ANKIB1: variants seen among roughly 807,000 people sequenced by gnomAD.
The protein encoded by ANKIB1 is ankyrin repeat and IBR domain containing 1, also known as ankyrin repeat and IBR domain-containing protein 1.
ANKIB1 carries 43 observed loss-of-function variants against 122.1 expected under a neutral mutation model. That is an observed-to-expected ratio of 0.35 (90% CI 0.28 to 0.45). The LOEUF is 0.45. Ranked by LOEUF, ANKIB1 falls within the 20% of genes least tolerant of loss-of-function variation. The pLI is 1.00. For missense variants in ANKIB1, 992 were observed against 1,329.5 expected, an observed-to-expected ratio of 0.75 and a Z score of 3.95; for synonymous variants, 390 against 442.0, an observed-to-expected ratio of 0.88 and a Z score of 1.48.
rs7791014 is a variant in ANKIB1 at position 92,359,089 on chromosome 7, G to C, written c.1398-3096G>C. Among the ~76,000 whole-genome samples, 6 of 151,058 alleles carry C rather than the reference G, an allele frequency of 4.0e-5. 1 individual carries two copies. Among genetic ancestry groups the C allele is most frequent in the Admixed American group, 3.9e-4 (6 of 15,210 alleles). ...ATCTAACGTATCCAGTTTTTTTTTCGTACTTAAGTTCTGTTGTACATGTGC... is the reference window on the plus strand; with the variant it reads ...ATCTAACGTATCCAGTTTTTTTTTCCTACTTAAGTTCTGTTGTACATGTGC... On this transcript the variant is annotated intron_variant, in intron 9 of 19. Transcript: ENST00000265742.
intron 5 of ANKIB1, among the ~76,000 whole-genome samples, chr7:92,341,650 A>G (rs2131974241): frequency 6.6e-6 from 1 of 152,362 alleles, no homozygotes; most frequent in Non-Finnish European, 1.5e-5. Flanking sequence ...TAAGTGGGAA[A>G]AGGAGATAAA....
rs138171934 is a variant in ANKIB1 at position 92,388,468 on chromosome 7, A to G, written c.1906+427A>G. 2.6e-5 allele frequency among the ~76,000 whole-genome samples: 4 copies of G among 152,384 alleles called. No individual in the cohort carries two copies. In the East Asian group the frequency reaches 7.7e-4, roughly 29 times the overall value. Reference sequence around the variant, plus strand: ...AGAGTGCCTAAGGGCGTGGAAGTCAATAACAGTTTGGGAAGAAATCATTTC... The same window carrying G: ...AGAGTGCCTAAGGGCGTGGAAGTCAGTAACAGTTTGGGAAGAAATCATTTC... On this transcript the variant is annotated intron_variant, in intron 14 of 19. Transcript: ENST00000265742.
chr7:92,288,424 A>T (rs1366225175), intron 1 of ANKIB1, among the ~76,000 whole-genome samples: 1 of 152,214 alleles, frequency 6.6e-6, no homozygotes, highest in Non-Finnish European at 1.5e-5. Context: ...TTCTCCCAGT[A>T]ATCAAGACAA....
chr7:92,382,651 A>G lies in ANKIB1; in HGVS notation c.1618-3858A>G, dbSNP rs543683504. On this transcript the variant is annotated intron_variant, in intron 11 of 19. Coordinates refer to ENST00000265742, the MANE Select transcript of ANKIB1 (RefSeq NM_019004.2). ...CTCCTGAATGACTACTGGGTACATA[A>G]TGAAATGAAGGCAGAAATAAAGATG... Among the ~76,000 whole-genome samples, 9 of 152,356 alleles carry G rather than the reference A, an allele frequency of 5.9e-5. No homozygotes were observed. The South Asian group carries it at 1.2e-3, about 21-fold the overall frequency.
At chr7:92,265,590 G>C (rs1801655689) in intron 1 of ANKIB1, among the ~76,000 whole-genome samples, 1 of 152,200 alleles carries the variant, frequency 6.6e-6, no homozygotes, top group Admixed American at 6.5e-5. Context: ...AGATTGTAGT[G>C]ATGAGAGGGC....
chr7:92,398,340 G>A lies in ANKIB1; in HGVS notation c.2661G>A (p.Ala887=), dbSNP rs754689833. ...DFLSNEASLG[A]IGTSLPSRLD... ...TCAGTAATGAAGCATCCTTAGGTGC[G>A]ATAGGCACTTCTTTACCTTCCAGGC... is the stretch of plus-strand genomic sequence containing the variant. The change falls in exon 20 of 20, where the codon GCG becomes GCA. Residue 887 remains alanine, a synonymous_variant. Transcript: ENST00000265742. 2.0e-5 allele frequency: 33 copies of A among 1,613,376 alleles called. No individual in the cohort carries two copies. The highest frequency in any genetic ancestry group is 2.4e-5 in the Non-Finnish European group (28 of 1,179,698).
In ANKIB1 at chr7:92,398,371, T is replaced by C; in HGVS notation, c.2692T>C (p.Ser898Pro). ...IGTSLPSRLDSVPRNTDSPRA... is the reference protein window; with the variant it reads ...IGTSLPSRLDPVPRNTDSPRA... Reference sequence around the variant, plus strand: ...CACTTCTTTACCTTCCAGGCTGGACTCTGTCCCCAGAAATACAGATAGCCC... The same window carrying C: ...CACTTCTTTACCTTCCAGGCTGGACCCTGTCCCCAGAAATACAGATAGCCC... The change falls in exon 20 of 20, where the codon TCT (serine) becomes CCT (proline). Residue 898 changes from serine (S) to proline (P), a missense_variant. Physicochemically the swap from Ser to Pro is moderately conservative, Grantham distance 74. This residue lies in a region of ANKIB1 where 384 missense variants were observed against 412.0 expected (regional missense o/e 0.93). Transcript: ENST00000265742. The C allele has an allele frequency of 6.2e-7, 1 of 1,613,324 alleles. No homozygotes were observed. Among genetic ancestry groups the C allele is most frequent in the Non-Finnish European group, 8.5e-7 (1 of 1,179,584 alleles).
chr7:92,373,497 C>T (rs980678756), intron 11 of ANKIB1, among the ~76,000 whole-genome samples: 1 of 152,118 alleles, frequency 6.6e-6, no homozygotes, highest in Non-Finnish European at 1.5e-5. Context: ...TGAAAAGAAA[C>T]ATTTACTTAT....
intron 11 of ANKIB1, among the ~76,000 whole-genome samples, chr7:92,374,839 A>G (rs1203936910): frequency 1.3e-5 from 2 of 152,082 alleles, no homozygotes; most frequent in Admixed American, 1.3e-4. Flanking sequence ...GATTTTAACA[A>G]AAAATAAGAT....
chr7:92,246,559 C>T (rs1484606979), intron 1 of ANKIB1, 40 bp downstream of exon 1: 1 of 513,774 alleles, frequency 1.9e-6, no homozygotes, highest in Admixed American at 2.0e-5. Flanking sequence ...TTTGAGGCTG[C>T]CTCTACCCAT....
At chr7:92,276,035 A>T (rs539983276) in intron 1 of ANKIB1, among the ~76,000 whole-genome samples, 1 of 152,316 alleles carries the variant, frequency 6.6e-6, no homozygotes, top group African/African-American at 2.4e-5. Flanking sequence ...TATATAATAA[A>T]AAAGTTTTGC....
intron 10 of ANKIB1, among the ~76,000 whole-genome samples, chr7:92,364,799 T>G (rs1370668047): frequency 6.6e-6 from 1 of 152,172 alleles, no homozygotes; most frequent in Non-Finnish European, 1.5e-5. Flanking sequence ...AGATAACTGA[T>G]GAGTATGAAG....
intron 11 of ANKIB1, among the ~76,000 whole-genome samples, chr7:92,377,102 C>T (rs943659295): frequency 2.0e-5 from 3 of 152,210 alleles, no homozygotes; most frequent in African/African-American, 7.2e-5. Flanking sequence ...CTTATCTTGG[C>T]TTTTCAACAT....
chr7:92,385,569 A>G (rs1338877080), intron 11 of ANKIB1, among the ~76,000 whole-genome samples: 1 of 152,232 alleles, frequency 6.6e-6, no homozygotes, highest in Non-Finnish European at 1.5e-5. Context: ...AGATGAGTTC[A>G]TGTCCTTTGT....
intron 11 of ANKIB1, among the ~76,000 whole-genome samples, chr7:92,375,905 G>A (rs1804368826): frequency 6.6e-6 from 1 of 152,228 alleles, no homozygotes; most frequent in Non-Finnish European, 1.5e-5. Context: ...CAGAACGGAT[G>A]TTGTGTTAGC....
chr7:92,283,459 A>G (rs1286585603), intron 1 of ANKIB1, among the ~76,000 whole-genome samples: 1 of 152,086 alleles, frequency 6.6e-6, no homozygotes, highest in Non-Finnish European at 1.5e-5. Flanking sequence ...CCTAAATCAG[A>G]CTTCATTTTT....
intron 2 of ANKIB1, among the ~76,000 whole-genome samples, chr7:92,303,337 C>T (rs193091153): frequency 1.3e-5 from 2 of 152,272 alleles, no homozygotes; most frequent in Admixed American, 1.3e-4. Flanking sequence ...CACATTGGCA[C>T]TCAAAACATT....
chr7:92,252,835 A>G (rs528688542), intron 1 of ANKIB1, among the ~76,000 whole-genome samples: 2 of 151,778 alleles, frequency 1.3e-5, no homozygotes, highest in Admixed American at 6.5e-5. Flanking sequence ...TTTGTCTACT[A>G]GAGTAGACAA....
intron 1 of ANKIB1, among the ~76,000 whole-genome samples, chr7:92,258,976 C>T (rs567759680): frequency 6.6e-6 from 1 of 151,808 alleles, no homozygotes; most frequent in South Asian, 2.1e-4. Flanking sequence ...TTTTTTGAGA[C>T]AGAGTCTCGT....
Sources: gnomAD v4.1 joint callset for allele counts (sites outside exome capture counted in the v4.1 genomes callset) on GRCh38, gnomAD v4.1.1 for gene constraint, gnomAD v4.1.1 regional missense constraint, MANE v1.5 for transcripts, NCBI Gene and HGNC (gene_info 2026-07-23, HGNC 2026-07-21) for gene names.